Variants in UBE4B observed in about 807,000 individuals in gnomAD.
UBE4B encodes the protein ubiquitination factor E4B.
Under a neutral mutation model 148.1 loss-of-function variants are expected in UBE4B, and 27 were observed. The ratio of observed to expected loss-of-function variants is 0.18; its 90% CI spans 0.13 to 0.25. The LOEUF (loss-of-function observed/expected upper bound fraction) is 0.25, where lower values mean the gene tolerates loss of function less well. UBE4B is among the 10% of genes least tolerant of loss of function. UBE4B has a pLI of 1.00. For missense variants in UBE4B, 1,170 were observed against 1,662.4 expected (o/e 0.70, Z 5.15); for synonymous variants, 596 against 619.3 (o/e 0.96, Z 0.56).
chr1:10,130,848 C>T, intron 14 of UBE4B, 35 bp downstream of exon 14: 2 of 1,570,416 alleles, frequency 1.3e-6, no homozygotes, highest in Non-Finnish European at 1.8e-6. Flanking sequence ...GAGGAAGTAT[C>T]AAAGATGAGC....
intron 2 of UBE4B, among the ~76,000 whole-genome samples, chr1:10,085,405 C>G (rs1047581139): frequency 1.3e-5 from 2 of 152,210 alleles, no homozygotes; most frequent in Non-Finnish European, 1.5e-5. Flanking sequence ...CCGAGGCTCC[C>G]TGAATGTGGC....
At chr1:10,070,562 G>A (rs1441654055) in intron 1 of UBE4B, among the ~76,000 whole-genome samples, 1 of 151,412 alleles carries the variant, frequency 6.6e-6, no homozygotes, top group African/African-American at 2.4e-5. Flanking sequence ...GTATAGTTTA[G>A]TTTTTCTTAT....
intron 2 of UBE4B, among the ~76,000 whole-genome samples, chr1:10,088,321 A>G (rs1644793799): frequency 1.3e-5 from 2 of 152,226 alleles, no homozygotes; most frequent in African/African-American, 2.4e-5. Context: ...CCAGTATTTA[A>G]GATACCATTG....
At chr1:10,063,687 T>G (rs556886353) in intron 1 of UBE4B, among the ~76,000 whole-genome samples, 5 of 152,146 alleles carry the variant, frequency 3.3e-5, no homozygotes, top group African/African-American at 1.2e-4. Context: ...GGCGGATCAC[T>G]TGAGGTCGTC....
At chr1:10,147,458 A>G (rs909560428) in intron 19 of UBE4B, among the ~76,000 whole-genome samples, 3 of 152,082 alleles carry the variant, frequency 2.0e-5, no homozygotes, top group Admixed American at 1.3e-4. Context: ...ATGCTACTGC[A>G]CTCCAGCCTG....
chr1:10,094,331 AT>A (rs902516151), intron 2 of UBE4B, among the ~76,000 whole-genome samples: 12 of 151,282 alleles, frequency 7.9e-5, no homozygotes, highest in South Asian at 2.1e-4. Context: ...GTCCACTTGA[AT>A]TTTTTTTTCA....
chr1:10,167,683 T>C (rs1236610080), intron 23 of UBE4B, among the ~76,000 whole-genome samples: 1 of 150,310 alleles, frequency 6.7e-6, no homozygotes, highest in East Asian at 2.0e-4. Flanking sequence ...GCCTCAGCCT[T>C]CTGGGTTCAA....
chr1:10,156,707 T>C (rs1417669574), intron 21 of UBE4B, among the ~76,000 whole-genome samples: 3 of 152,202 alleles, frequency 2.0e-5, no homozygotes, highest in East Asian at 3.8e-4. Context: ...CATGCTTTTA[T>C]ACAATTAATA....
chr1:10,101,735 A>G (rs184569141), intron 4 of UBE4B, among the ~76,000 whole-genome samples: 2 of 152,000 alleles, frequency 1.3e-5, no homozygotes, highest in East Asian at 3.9e-4. Flanking sequence ...GTCTTGATCT[A>G]TTGACCTTAT....
intron 3 of UBE4B, among the ~76,000 whole-genome samples, chr1:10,100,197 G>T (rs1322163397): frequency 2.6e-5 from 4 of 152,146 alleles, no homozygotes; most frequent in Middle Eastern, 3.4e-3. Flanking sequence ...CACCATGTTA[G>T]CCAGGATGGT....
chr1:10,053,992 T>C (rs1644111695), intron 1 of UBE4B, among the ~76,000 whole-genome samples: 1 of 152,216 alleles, frequency 6.6e-6, no homozygotes, highest in Non-Finnish European at 1.5e-5. Context: ...CATCTGATAT[T>C]GAATCTTTAG....
intron 23 of UBE4B, among the ~76,000 whole-genome samples, chr1:10,167,312 G>A (rs908290931): frequency 1.3e-5 from 2 of 148,772 alleles, no homozygotes; most frequent in African/African-American, 5.0e-5. Context: ...GGTGACACAT[G>A]CCTGTAGTCC....
At chr1:10,138,954 A>G (rs924776542) in intron 17 of UBE4B, among the ~76,000 whole-genome samples, 2 of 152,180 alleles carry the variant, frequency 1.3e-5, no homozygotes, top group Non-Finnish European at 2.9e-5. Context: ...TAACTTTTAT[A>G]TTAATGTTTT....
At chr1:10,153,105 G>T (rs1413158014) in intron 21 of UBE4B, among the ~76,000 whole-genome samples, 5 of 152,044 alleles carry the variant, frequency 3.3e-5, no homozygotes, top group Admixed American at 6.6e-5. Context: ...TTCTCCTTCA[G>T]TTTTCCAGTT....
At chr1:10,135,311 A>T in intron 16 of UBE4B, 125 bp downstream of exon 16, 1 of 1,040,946 alleles carries the variant, frequency 9.6e-7, no homozygotes, top group Non-Finnish European at 1.4e-6. Context: ...ACATAATAAA[A>T]ATTAATACAG....
At chr1:10,096,114 A>C (rs2101875608) in intron 3 of UBE4B, among the ~76,000 whole-genome samples, 1 of 152,324 alleles carries the variant, frequency 6.6e-6, no homozygotes, top group African/African-American at 2.4e-5. Context: ...ATAATGGTGT[A>C]GTCAGTTAAA....
intron 1 of UBE4B, among the ~76,000 whole-genome samples, chr1:10,070,470 G>A (rs1570820972): frequency 6.8e-6 from 1 of 146,824 alleles, no homozygotes; most frequent in African/African-American, 2.5e-5. Context: ...ACCATTACCA[G>A]ATCCCTAGAA....
At chr1:10,157,737 A>C (rs2102002571) in intron 21 of UBE4B, among the ~76,000 whole-genome samples, 1 of 152,284 alleles carries the variant, frequency 6.6e-6, no homozygotes, top group Non-Finnish European at 1.5e-5. Context: ...AGATCGTGCT[A>C]CTGCACTCCA....
At chr1:10,105,838 T>C in intron 6 of UBE4B, 94 bp downstream of exon 6, 19 of 1,219,946 alleles carry the variant, frequency 1.6e-5, no homozygotes, top group Non-Finnish European at 2.0e-5. Context: ...TTAATCAGTG[T>C]CATACAGGGT....
Sources: allele counts gnomAD v4.1 joint callset (sites outside exome capture counted in the v4.1 genomes callset), GRCh38; gene constraint gnomAD v4.1.1; transcripts MANE v1.5; gene names NCBI Gene and HGNC (gene_info 2026-07-23, HGNC 2026-07-21).